The following CCDC7 variants were observed in gnomAD, a reference collection of about 807,000 sequenced individuals.
CCDC7 encodes coiled-coil domain-containing protein 7.
Under a neutral mutation model 196.9 loss-of-function variants are expected in CCDC7, and 183 were observed. That is an observed-to-expected ratio of 0.93 (90% CI 0.82 to 1.05). CCDC7 has a LOEUF of 1.05. Among genes scored for constraint, CCDC7 ranks in the 50% least tolerant of loss-of-function variants. CCDC7 has a pLI of 0.00. For missense variants in CCDC7, 1,540 were observed against 1,482.2 expected (o/e 1.04, Z -0.64); for synonymous variants, 525 against 484.6 (o/e 1.08, Z -1.10).
At position 32,854,602 on chromosome 10, in the gene CCDC7, T is replaced by TA. The variant is rs2093681867; in HGVS notation, c.4111+114dup. On this transcript the variant is annotated intron_variant, in intron 41 of 41. Coordinates refer to ENST00000639629, the Ensembl canonical transcript of CCDC7. ...GCTTCCTTCTTCAAACAACCAACCT[T>TA]ATGGGTGAGGCATGGTTTCCCAAAC... 6 of 640,512 alleles carry TA rather than the reference T, an allele frequency of 9.4e-6. No individual in the cohort carries two copies. In the African/African-American group the frequency reaches 9.6e-5, roughly 10 times the overall value. The allele number at this position is 640,512 out of a possible 1,614,324, so 39.7% of individuals were successfully genotyped here.
chr10:32,668,430 G>A (rs564643462), intron 21 of CCDC7, among the ~76,000 whole-genome samples: 13 of 152,176 alleles, frequency 8.5e-5, no homozygotes, highest in African/African-American at 2.2e-4. Context: ...GTGAGAGAGG[G>A]CATCCCTGTC....
intron 23 of CCDC7, among the ~76,000 whole-genome samples, 186 bp downstream of exon 24, chr10:32,689,349 A>G (rs907482351): frequency 6.6e-6 from 1 of 152,216 alleles, no homozygotes; most frequent in African/African-American, 2.4e-5. Context: ...AGATTATTTC[A>G]TGACCACAGG....
intron 21 of CCDC7, among the ~76,000 whole-genome samples, chr10:32,669,233 A>C (rs2073529752): frequency 6.6e-6 from 1 of 152,146 alleles, no homozygotes; most frequent in Admixed American, 6.6e-5. Context: ...CCTTGCACCC[A>C]GGAGATAAAC....
At chr10:32,708,725 C>T (rs1235204511) in intron 24 of CCDC7, among the ~76,000 whole-genome samples, 2 of 152,192 alleles carry the variant, frequency 1.3e-5, no homozygotes, top group African/African-American at 2.4e-5. Context: ...AAAAAATGCT[C>T]ATCATCACTG....
chr10:32,501,653 G>A (rs2044058226), intron 9 of CCDC7, among the ~76,000 whole-genome samples: 1 of 152,098 alleles, frequency 6.6e-6, no homozygotes, highest in Admixed American at 6.5e-5. Flanking sequence ...TGTTTGCCTG[G>A]GTATCACCAG....
intron 3 of CCDC7, among the ~76,000 whole-genome samples, chr10:32,460,650 AAAATAT>A (rs2035433339): frequency 6.6e-6 from 1 of 152,230 alleles, no homozygotes. Context: ...TACGTAGCTG[AAAATAT>A]TTTTCTTCTG....
intron 20 of CCDC7, among the ~76,000 whole-genome samples, chr10:32,661,067 A>T (rs2071289825): frequency 2.1e-5 from 3 of 144,386 alleles, no homozygotes; most frequent in East Asian, 2.0e-4. Flanking sequence ...AATTTTCACA[A>T]CCTACTCATC....
chr10:32,689,826 C>T (rs1591624328), intron 23 of CCDC7, among the ~76,000 whole-genome samples: 2 of 152,180 alleles, frequency 1.3e-5, no homozygotes, highest in Middle Eastern at 6.8e-3. Flanking sequence ...CCTCCGCCTC[C>T]CGGGCTCAAG....
intron 23 of CCDC7, among the ~76,000 whole-genome samples, chr10:32,690,386 A>G (rs566238176): frequency 6.6e-6 from 1 of 152,350 alleles, no homozygotes; most frequent in East Asian, 1.9e-4. Flanking sequence ...AACTTATTCT[A>G]TATAAGGTTA....
chr10:32,480,592 G>T (rs76808956), intron 8 of CCDC7, among the ~76,000 whole-genome samples: 3,508 of 151,798 alleles, frequency 0.023, 155 homozygotes, highest in African/African-American at 0.08. Context: ...GATATTTTTT[G>T]ATTTCTTTTT....
chr10:32,488,451 G>T (rs985182814), intron 8 of CCDC7, among the ~76,000 whole-genome samples: 5 of 152,176 alleles, frequency 3.3e-5, no homozygotes, highest in Non-Finnish European at 7.3e-5. Flanking sequence ...GCAATGCCTT[G>T]CTGTGCTTCG....
At chr10:32,550,858 T>C (rs2136308096) in intron 13 of CCDC7, among the ~76,000 whole-genome samples, 1 of 152,284 alleles carries the variant, frequency 6.6e-6, no homozygotes, top group South Asian at 2.1e-4. Context: ...TCTGTAGTTT[T>C]CTTTTTTAGT....
intron 22 of CCDC7, among the ~76,000 whole-genome samples, chr10:32,688,004 G>A (rs2076657089): frequency 6.6e-6 from 1 of 152,116 alleles, no homozygotes; most frequent in African/African-American, 2.4e-5. Flanking sequence ...CATCATGAGT[G>A]GGCCAAACTT....
chr10:32,810,617 A>C (rs1255524136), intron 30 of CCDC7, among the ~76,000 whole-genome samples: 2 of 152,136 alleles, frequency 1.3e-5, no homozygotes, highest in East Asian at 3.8e-4. Flanking sequence ...GTCTAGACAG[A>C]AAATCAACGA....
At chr10:32,638,985 C>A (rs950411625) in intron 20 of CCDC7, among the ~76,000 whole-genome samples, 3 of 152,100 alleles carry the variant, frequency 2.0e-5, no homozygotes, top group Non-Finnish European at 4.4e-5. Context: ...AAGAATTTAT[C>A]CATTTCTTCT....
chr10:32,750,948 ATAT>A (rs1274022191), intron 28 of CCDC7, among the ~76,000 whole-genome samples: 2 of 152,200 alleles, frequency 1.3e-5, no homozygotes, highest in African/African-American at 4.8e-5. Context: ...AATGTTCTTT[ATAT>A]AAAGTGGCAG....
At chr10:32,670,500 C>T (rs979032017) in intron 21 of CCDC7, among the ~76,000 whole-genome samples, 14 of 151,350 alleles carry the variant, frequency 9.3e-5, no homozygotes, top group Middle Eastern at 6.8e-3. Context: ...ACTAACTCGT[C>T]ATCTAGCATT....
At chr10:32,545,884 C>A (rs1442586606) in intron 13 of CCDC7, among the ~76,000 whole-genome samples, 1 of 110,732 alleles carries the variant, frequency 9.0e-6, no homozygotes, top group Non-Finnish European at 1.7e-5. Flanking sequence ...CCAGCCTGGG[C>A]AACAGAGCAA....
intron 13 of CCDC7, among the ~76,000 whole-genome samples, chr10:32,547,215 C>G (rs550961788): frequency 1.3e-5 from 2 of 152,176 alleles, no homozygotes; most frequent in East Asian, 1.9e-4. Flanking sequence ...TTTGTAACAC[C>G]AAGCTCTTGC....
Sources: gnomAD v4.1 joint callset for allele counts (sites outside exome capture counted in the v4.1 genomes callset) on GRCh38, gnomAD v4.1.1 for gene constraint, MANE v1.5 for transcripts, NCBI Gene and HGNC (gene_info 2026-07-23, HGNC 2026-07-21) for gene names.